Variants in DIAPH2 observed in about 807,000 individuals in gnomAD.
DIAPH2 encodes the protein protein diaphanous homolog 2.
DIAPH2 carries 35 observed loss-of-function variants against 92.7 expected under a neutral mutation model. The observed-to-expected ratio is 0.38, with a 90% CI of 0.29 to 0.50. DIAPH2 has a LOEUF of 0.50. DIAPH2 is among the 20% of genes least tolerant of loss of function. DIAPH2 has a pLI of 0.94. For synonymous variants in DIAPH2, 301 were observed against 280.4 expected (o/e 1.07, Z -0.73); for missense variants, 701 against 819.5 (o/e 0.86, Z 1.77).
At chrX:97,585,582 T>TA (rs11285470) in intron 26 of DIAPH2, among the ~76,000 whole-genome samples, 86 of 97,725 alleles carry the variant, frequency 8.8e-4, no homozygotes, top group African/African-American at 3.1e-3. Flanking sequence ...CTTTCCTAAG[T>TA]AAAAAAAAAA....
At chrX:96,971,060 C>G (rs2065924832) in intron 17 of DIAPH2, among the ~76,000 whole-genome samples, 1 of 111,823 alleles carries the variant, frequency 8.9e-6, no homozygotes, top group Admixed American at 9.5e-5. Context: ...TGATTATGGA[C>G]TTATTTGAAT....
intron 1 of DIAPH2, among the ~76,000 whole-genome samples, chrX:96,713,519 CAGGT>C (rs2063931754): frequency 9.0e-6 from 1 of 111,537 alleles, no homozygotes; most frequent in Admixed American, 9.5e-5. Context: ...GTCCATAGTT[CAGGT>C]TCACTCTTGG....
chrX:97,002,456 A>G (rs2066151336), intron 17 of DIAPH2, among the ~76,000 whole-genome samples: 1 of 111,417 alleles, frequency 9.0e-6, no homozygotes, highest in Non-Finnish European at 1.9e-5. Context: ...TTCACATTTT[A>G]CTAAAGCAAG....
At chrX:97,147,625 T>G (rs1449665097) in intron 22 of DIAPH2, among the ~76,000 whole-genome samples, 1 of 111,249 alleles carries the variant, frequency 9.0e-6, no homozygotes, top group African/African-American at 3.3e-5. Flanking sequence ...AAGGGGGAAA[T>G]TATATTAATG....
intron 22 of DIAPH2, among the ~76,000 whole-genome samples, chrX:97,175,414 A>G (rs915968327): frequency 1.8e-5 from 2 of 111,801 alleles, no homozygotes; most frequent in African/African-American, 6.5e-5. Context: ...CAATTGAATA[A>G]AAAGAAGAAA....
At chrX:97,132,965 T>C (rs1480646301) in intron 21 of DIAPH2, among the ~76,000 whole-genome samples, 1 of 110,719 alleles carries the variant, frequency 9.0e-6, no homozygotes, top group East Asian at 2.8e-4. Flanking sequence ...CTGAAGTTCA[T>C]GTGGCCATTC....
intron 4 of DIAPH2, among the ~76,000 whole-genome samples, chrX:96,834,805 G>A (rs2064876708): frequency 9.0e-6 from 1 of 111,684 alleles, no homozygotes; most frequent in Non-Finnish European, 1.9e-5. Context: ...GTGCTCAGGA[G>A]TATTTTGTAA....
At chrX:96,990,470 C>A (rs983258269) in intron 17 of DIAPH2, among the ~76,000 whole-genome samples, 2 of 111,963 alleles carry the variant, frequency 1.8e-5, no homozygotes, top group African/African-American at 6.5e-5. Context: ...GTATAGACAG[C>A]CACTGCACCT....
intron 19 of DIAPH2, among the ~76,000 whole-genome samples, chrX:97,089,869 A>G (rs992362336): frequency 9.1e-6 from 1 of 110,457 alleles, no homozygotes; most frequent in African/African-American, 3.3e-5. Context: ...CTGGGACTAC[A>G]GGTGCCCGCC....
chrX:97,415,422 T>G (rs1421840614), intron 25 of DIAPH2, among the ~76,000 whole-genome samples: 1 of 111,930 alleles, frequency 8.9e-6, no homozygotes, highest in East Asian at 2.8e-4. Flanking sequence ...ATTGCAGCAC[T>G]ATTCACAATA....
chrX:97,099,637 A>G (rs2066893199), intron 19 of DIAPH2, 57 bp from the exon 20 acceptor site: 1 of 749,017 alleles, frequency 1.3e-6, no homozygotes, highest in Non-Finnish European at 1.9e-6. Flanking sequence ...TTGTTAATGC[A>G]TGTTTAAAAA....
intron 23 of DIAPH2, among the ~76,000 whole-genome samples, chrX:97,300,966 G>GAAAAAAAAAAAAA (rs2068697171): frequency 6.4e-5 from 1 of 15,581 alleles, no homozygotes; most frequent in Non-Finnish European, 1.2e-4. Flanking sequence ...AAAAAAAAAA[G>GAAAAAAAAAAAAA]AAGAAGAAGA....
intron 17 of DIAPH2, among the ~76,000 whole-genome samples, chrX:96,984,141 A>G (rs897923322): frequency 5.4e-5 from 6 of 111,783 alleles, no homozygotes; most frequent in Non-Finnish European, 1.1e-4. Flanking sequence ...CAGAACTTTG[A>G]AGGTATATGT....
chrX:97,244,845 C>T (rs1281639321), intron 22 of DIAPH2, among the ~76,000 whole-genome samples: 12 of 111,940 alleles, frequency 1.1e-4, no homozygotes, highest in Middle Eastern at 4.6e-3. Flanking sequence ...AATCCCAACA[C>T]TTTGGGAGGC....
intron 26 of DIAPH2, among the ~76,000 whole-genome samples, chrX:97,433,681 C>T (rs1361261907): frequency 9.0e-6 from 1 of 111,648 alleles, no homozygotes. Context: ...AGGAAATGAG[C>T]CCCTAAATAT....
rs920182914 is a variant in DIAPH2 at position 96,939,849 on chromosome X, G to T, written c.1325+467G>T. Among the ~76,000 whole-genome samples, 90 of 84,695 alleles carry T rather than the reference G, an allele frequency of 1.1e-3. 11 individuals are homozygous for T. Among genetic ancestry groups the T allele is most frequent in the African/African-American group, 4.3e-3 (83 of 19,433 alleles). The allele number at this position is 84,695 out of a possible 115,157, so 73.5% of individuals were successfully genotyped here. A position where few individuals can be genotyped will look rare whatever the true frequency, so the allele number is the denominator to read the frequency against. On this transcript the variant is annotated intron_variant, in intron 12 of 26. Coordinates refer to ENST00000324765, the MANE Select transcript of DIAPH2 (RefSeq NM_006729.5). ...CCGGCTAATTTTTGTATTTTTAGTA[G>T]AGACGGGGTTTCACCGTGTTAGCCA... is the stretch of plus-strand genomic sequence containing the variant.
intron 4 of DIAPH2, among the ~76,000 whole-genome samples, chrX:96,858,247 ACTATTTCAGC>A (rs1272542935): frequency 1.8e-5 from 2 of 111,874 alleles, no homozygotes; most frequent in Non-Finnish European, 3.8e-5. Context: ...TAGATATTGG[ACTATTTCAGC>A]CTTGATGTCT....
intron 26 of DIAPH2, among the ~76,000 whole-genome samples, chrX:97,478,603 A>T (rs752470295): frequency 1.3e-3 from 148 of 112,283 alleles, no homozygotes; most frequent in African/African-American, 4.4e-3. Flanking sequence ...GCTGCATCCC[A>T]AAACAGTAGG....
intron 26 of DIAPH2, among the ~76,000 whole-genome samples, chrX:97,492,661 A>G (rs1038807861): frequency 1.1e-4 from 12 of 111,369 alleles, no homozygotes; most frequent in Non-Finnish European, 2.1e-4. Context: ...CAATTTTGCC[A>G]GATATAGTAT....
Sources: gnomAD v4.1 joint callset for allele counts (sites outside exome capture counted in the v4.1 genomes callset) on GRCh38, gnomAD v4.1.1 for gene constraint, MANE v1.5 for transcripts, NCBI Gene and HGNC (gene_info 2026-07-23, HGNC 2026-07-21) for gene names.